Variants in RBFOX1 observed in about 807,000 individuals in gnomAD.
RBFOX1 encodes the protein RNA binding protein fox-1 homolog 1.
RBFOX1 carries 8 observed loss-of-function variants against 57.7 expected under a neutral mutation model. The ratio of observed to expected loss-of-function variants is 0.14; its 90% confidence interval spans 0.08 to 0.25. The LOEUF (loss-of-function observed/expected upper bound fraction) is 0.25, where lower values mean the gene tolerates loss of function less well. Among genes scored for constraint, RBFOX1 ranks in the 10% least tolerant of loss-of-function variants. The pLI, the probability that RBFOX1 is intolerant of heterozygous loss-of-function variation, is 1.00. For synonymous variants in RBFOX1, 326 were observed against 222.4 expected, an observed-to-expected ratio of 1.47 and a Z score of -4.15; for missense variants, 611 against 548.5, an observed-to-expected ratio of 1.11 and a Z score of -1.14.
chr16:6,898,956 A>G (rs1450061474), intron 3 of RBFOX1, among the ~76,000 whole-genome samples: 1 of 150,964 alleles, frequency 6.6e-6, no homozygotes, highest in Admixed American at 6.6e-5. Flanking sequence ...TGTATAATAC[A>G]TTGTGTATGT....
At chr16:6,596,381 A>G (rs2097776841) in intron 2 of RBFOX1, among the ~76,000 whole-genome samples, 2 of 152,182 alleles carry the variant, frequency 1.3e-5, no homozygotes, top group Admixed American at 6.5e-5. Flanking sequence ...TTCTCACTGA[A>G]TTGACTAGGT....
intron 4 of RBFOX1, among the ~76,000 whole-genome samples, chr16:7,437,255 C>CG (rs2098729797): frequency 1.5e-5 from 2 of 133,574 alleles, no homozygotes; most frequent in Non-Finnish European, 3.5e-5. Flanking sequence ...TCTTTGCCCC[C>CG]CCCCCCTTTC....
chr16:6,127,218 G>C (rs753822602), intron 1 of RBFOX1, among the ~76,000 whole-genome samples: 1 of 151,942 alleles, frequency 6.6e-6, no homozygotes, highest in South Asian at 2.1e-4. Flanking sequence ...TGGAGTCAAA[G>C]GTTTGGGTTT....
chr16:7,066,383 T>C (rs1007771880), intron 4 of RBFOX1, among the ~76,000 whole-genome samples: 16 of 152,320 alleles, frequency 1.1e-4, no homozygotes, highest in Admixed American at 9.1e-4. Context: ...GAGGCTAAGA[T>C]ACGAGAAGGG....
intron 3 of RBFOX1, among the ~76,000 whole-genome samples, chr16:6,844,376 C>G (rs571278955): frequency 6.6e-6 from 1 of 152,038 alleles, no homozygotes; most frequent in African/African-American, 2.4e-5. Context: ...ATCCCCACGC[C>G]CATTGTTCTC....
chr16:7,710,115 AT>A lies in RBFOX1; in HGVS notation c.1072-506del, dbSNP rs2083733875. The A allele has an allele frequency of 6.0e-6, 6 of 1,006,494 alleles. No homozygotes were observed. The South Asian group carries it at 1.3e-4, about 22-fold the overall frequency. The allele number at this position is 1,006,494 out of a possible 1,614,324, so 62.3% of individuals were successfully genotyped here. On this transcript the variant is annotated intron_variant, in intron 15 of 15. Transcript: ENST00000550418. ...TGCACAAGCTTAATTACATCAAGCA[AT>A]TCATCTGTACAACTCCACAACTCCC...
chr16:7,237,270 A>G (rs564692133), intron 4 of RBFOX1, among the ~76,000 whole-genome samples: 4 of 152,330 alleles, frequency 2.6e-5, no homozygotes, highest in Non-Finnish European at 5.9e-5. Context: ...AGCGGGGACC[A>G]TGAGCTCTTC....
At chr16:7,631,580 C>T (rs2060970748) in intron 11 of RBFOX1, among the ~76,000 whole-genome samples, 1 of 152,134 alleles carries the variant, frequency 6.6e-6, no homozygotes, top group South Asian at 2.1e-4. Flanking sequence ...GTTGCCGTAA[C>T]TGCAGAATGA....
intron 1 of RBFOX1, among the ~76,000 whole-genome samples, chr16:5,316,087 C>T (rs2064230365): frequency 6.6e-6 from 1 of 152,202 alleles, no homozygotes; most frequent in African/African-American, 2.4e-5. Context: ...TTTTCCGCTC[C>T]CAGCAAACCA....
chr16:7,604,857 T>C (rs1431847825), intron 9 of RBFOX1, among the ~76,000 whole-genome samples: 1 of 152,186 alleles, frequency 6.6e-6, no homozygotes, highest in Non-Finnish European at 1.5e-5. Context: ...GTAGTAAGGA[T>C]ATTCAAGAAA....
chr16:7,315,429 C>T (rs1468727729), intron 4 of RBFOX1, among the ~76,000 whole-genome samples: 3 of 146,770 alleles, frequency 2.0e-5, no homozygotes, highest in Non-Finnish European at 4.5e-5. Flanking sequence ...AATGCAAAGA[C>T]AAATGATTAA....
At chr16:7,511,903 C>T (rs548552224) in intron 4 of RBFOX1, among the ~76,000 whole-genome samples, 27 of 152,240 alleles carry the variant, frequency 1.8e-4, no homozygotes, top group African/African-American at 6.5e-4. Context: ...TTCTTTCATC[C>T]TCCTTTTGTG....
chr16:6,073,625 C>A (rs561287494), intron 1 of RBFOX1, among the ~76,000 whole-genome samples: 2 of 152,234 alleles, frequency 1.3e-5, no homozygotes, highest in South Asian at 2.1e-4. Context: ...GGTGCACAAA[C>A]ATGTTAAAGG....
At chr16:6,519,986 T>C (rs140590454) in intron 2 of RBFOX1, among the ~76,000 whole-genome samples, 2 of 152,300 alleles carry the variant, frequency 1.3e-5, no homozygotes, top group Non-Finnish European at 2.9e-5. Flanking sequence ...AAACTATCAG[T>C]CTGTCTTCCT....
intron 1 of RBFOX1, among the ~76,000 whole-genome samples, chr16:6,287,666 A>G (rs936054345): frequency 6.6e-6 from 1 of 152,150 alleles, no homozygotes; most frequent in Admixed American, 6.6e-5. Flanking sequence ...AGCTCAGAGT[A>G]TGTATGCATA....
chr16:5,400,048 C>T (rs917221803), intron 1 of RBFOX1, among the ~76,000 whole-genome samples: 1 of 152,084 alleles, frequency 6.6e-6, no homozygotes, highest in Admixed American at 6.6e-5. Flanking sequence ...AGCTGACACT[C>T]ATCATTCCAT....
intron 3 of RBFOX1, among the ~76,000 whole-genome samples, chr16:5,777,815 G>A (rs575419358): frequency 6.4e-4 from 98 of 152,184 alleles, no homozygotes; most frequent in Non-Finnish European, 1.2e-3. Flanking sequence ...CTCCTACTTA[G>A]CTCCTTTAAA....
At chr16:6,864,525 A>G (rs1438796505) in intron 3 of RBFOX1, among the ~76,000 whole-genome samples, 1 of 150,928 alleles carries the variant, frequency 6.6e-6, no homozygotes, top group African/African-American at 2.4e-5. Flanking sequence ...TTAGTTTTAA[A>G]CCCCCCTATT....
At chr16:6,609,915 C>G (rs919017748) in intron 2 of RBFOX1, among the ~76,000 whole-genome samples, 1 of 151,840 alleles carries the variant, frequency 6.6e-6, no homozygotes, top group African/African-American at 2.4e-5. Flanking sequence ...GGCTGAGGCA[C>G]GAGACTTGCT....
Sources: gnomAD v4.1 joint callset for allele counts (sites outside exome capture counted in the v4.1 genomes callset) on GRCh38, gnomAD v4.1.1 for gene constraint, MANE v1.5 for transcripts, NCBI Gene and HGNC (gene_info 2026-07-23, HGNC 2026-07-21) for gene names.